Variants in TNR observed in about 807,000 individuals in gnomAD.
TNR encodes the protein tenascin-R.
TNR carries 45 observed loss-of-function variants against 150.4 expected under a neutral mutation model. That is an observed-to-expected ratio of 0.30 (90% CI 0.24 to 0.38). The LOEUF (loss-of-function observed/expected upper bound fraction) is 0.38, where lower values mean the gene tolerates loss of function less well. Among genes scored for constraint, TNR ranks in the 10% least tolerant of loss-of-function variants. The pLI is 1.00. For missense variants in TNR, 1,544 were observed against 1,759.1 expected (o/e 0.88, Z 2.19); for synonymous variants, 687 against 678.4 (o/e 1.01, Z -0.20).
chr1:175,589,147 CTT>C (rs941452243), intron 1 of TNR, among the ~76,000 whole-genome samples: 1 of 152,132 alleles, frequency 6.6e-6, no homozygotes, highest in South Asian at 2.1e-4. Context: ...GGCACTCTCT[CTT>C]GAGATCGAAA....
At chr1:175,630,618 A>C (rs1024567058) in intron 1 of TNR, among the ~76,000 whole-genome samples, 12 of 152,178 alleles carry the variant, frequency 7.9e-5, no homozygotes, top group Admixed American at 2.6e-4. Context: ...TTTGGCAGAT[A>C]GGAGGGTTTT....
intron 1 of TNR, among the ~76,000 whole-genome samples, chr1:175,636,769 A>T (rs1664503419): frequency 6.6e-6 from 1 of 152,206 alleles, no homozygotes; most frequent in South Asian, 2.1e-4. Flanking sequence ...AGACTCACAA[A>T]CCTCAACAAA....
chr1:175,725,309 A>G (rs533047536), intron 1 of TNR, among the ~76,000 whole-genome samples: 1 of 152,228 alleles, frequency 6.6e-6, no homozygotes, highest in Non-Finnish European at 1.5e-5. Context: ...CTTTCCAGCC[A>G]TATAAGTGAA....
chr1:175,429,842 T>C (rs12754066), intron 2 of TNR, among the ~76,000 whole-genome samples: 2,728 of 152,234 alleles, frequency 0.018, 47 homozygotes, highest in South Asian at 0.058. Flanking sequence ...CACAGGTTGG[T>C]AGCCCAAAAG....
chr1:175,346,359 G>A (rs1650783267), intron 18 of TNR, among the ~76,000 whole-genome samples: 1 of 152,142 alleles, frequency 6.6e-6, no homozygotes, highest in African/African-American at 2.4e-5. Context: ...GAGGTGAAGC[G>A]GGTAGGGAGG....
intron 1 of TNR, among the ~76,000 whole-genome samples, chr1:175,572,053 A>G (rs1168786358): frequency 6.6e-6 from 1 of 152,008 alleles, no homozygotes; most frequent in Non-Finnish European, 1.5e-5. Flanking sequence ...AAGCACCCTC[A>G]CCCTCAGCAG....
chr1:175,654,125 C>T (rs1402167565), intron 1 of TNR, among the ~76,000 whole-genome samples: 2 of 152,146 alleles, frequency 1.3e-5, no homozygotes, highest in Non-Finnish European at 2.9e-5. Context: ...TCCTTTTGTG[C>T]CTTCCTCAAT....
chr1:175,608,515 A>G (rs1284294789), intron 1 of TNR, among the ~76,000 whole-genome samples: 2 of 152,258 alleles, frequency 1.3e-5, no homozygotes, highest in Non-Finnish European at 2.9e-5. Context: ...AGCATAAGAT[A>G]TAAGGCAAAA....
At position 175,354,433 on chromosome 1, in the gene TNR, C is replaced by T; in HGVS notation, c.3340G>A (p.Asp1114Asn). 1 of 1,614,150 alleles carries T rather than the reference C, an allele frequency of 6.2e-7. No homozygotes were observed. Among genetic ancestry groups the T allele is most frequent in the Non-Finnish European group, 8.5e-7 (1 of 1,179,994 alleles). The change falls in exon 18 of 23, where the codon GAC (aspartate) becomes AAC (asparagine). Residue 1114 changes from aspartate to asparagine, a missense_variant. Transcript: ENST00000367674. ...GAGGTGATGCTGCTCCACGTGGTGT[C>T]CTGTGCTGCCTGCAGGAGCACCGTG... ...DYTVLLQAAQ[D>N]TTWSSITSTA...
chr1:175,458,631 G>A (rs1470564883), intron 2 of TNR, among the ~76,000 whole-genome samples: 1 of 152,052 alleles, frequency 6.6e-6, no homozygotes, highest in Non-Finnish European at 1.5e-5. Flanking sequence ...AAAGTGCTTT[G>A]GACACCAGCA....
chr1:175,720,257 G>GCT (rs751936280), intron 1 of TNR, among the ~76,000 whole-genome samples: 11 of 151,042 alleles, frequency 7.3e-5, no homozygotes, highest in Middle Eastern at 3.4e-3. Context: ...GCTCTCTTGT[G>GCT]CTCTCTCTCT....
At chr1:175,469,857 G>A (rs974046011) in intron 2 of TNR, among the ~76,000 whole-genome samples, 3 of 152,020 alleles carry the variant, frequency 2.0e-5, no homozygotes, top group South Asian at 4.2e-4. Context: ...GGACAGAGAC[G>A]GGCCTGGAGA....
chr1:175,701,183 T>C (rs1666685782), intron 1 of TNR, among the ~76,000 whole-genome samples: 1 of 152,226 alleles, frequency 6.6e-6, no homozygotes, highest in Non-Finnish European at 1.5e-5. Context: ...CCTTTGCAGT[T>C]TCTTTTTTCA....
At chr1:175,664,439 T>C (rs56708712) in intron 1 of TNR, among the ~76,000 whole-genome samples, 62 of 152,162 alleles carry the variant, frequency 4.1e-4, no homozygotes, top group African/African-American at 1.5e-3. Context: ...GGTATAAAAG[T>C]GGACTGCTCT....
intron 21 of TNR, among the ~76,000 whole-genome samples, chr1:175,326,698 C>T (rs769591196): frequency 3.3e-5 from 5 of 152,132 alleles, no homozygotes; most frequent in Non-Finnish European, 5.9e-5. Flanking sequence ...GAGACAGTCT[C>T]GCTCTGTTGC....
intron 2 of TNR, among the ~76,000 whole-genome samples, chr1:175,498,279 A>C (rs115585567): frequency 9.7e-4 from 148 of 152,360 alleles, no homozygotes; most frequent in African/African-American, 3.5e-3. Flanking sequence ...GCCTCCTGGC[A>C]TTCAGGGCCA....
intron 1 of TNR, among the ~76,000 whole-genome samples, chr1:175,542,683 A>T (rs1382849407): frequency 6.6e-6 from 1 of 152,224 alleles, no homozygotes; most frequent in Non-Finnish European, 1.5e-5. Context: ...TTTTGATGAG[A>T]CAACTTATTC....
intron 18 of TNR, among the ~76,000 whole-genome samples, chr1:175,338,819 T>A (rs1443983636): frequency 6.6e-6 from 1 of 152,088 alleles, no homozygotes; most frequent in African/African-American, 2.4e-5. Flanking sequence ...CCATCATAGA[T>A]CACCAGTGAA....
chr1:175,675,194 T>C (rs1040298338), intron 1 of TNR, among the ~76,000 whole-genome samples: 2 of 152,248 alleles, frequency 1.3e-5, no homozygotes, highest in African/African-American at 4.8e-5. Context: ...CCATTGTGCA[T>C]ATCGGCTTGT....
Sources: gnomAD v4.1 joint callset for allele counts (sites outside exome capture counted in the v4.1 genomes callset) on GRCh38, gnomAD v4.1.1 for gene constraint, MANE v1.5 for transcripts, NCBI Gene and HGNC (gene_info 2026-07-23, HGNC 2026-07-21) for gene names.